NKAIN1: variants seen among roughly 807,000 people sequenced by gnomAD.
The protein encoded by NKAIN1 is sodium/potassium transporting ATPase interacting 1.
Under a neutral mutation model 31.6 loss-of-function variants are expected in NKAIN1, and 13 were observed. That is an observed-to-expected ratio of 0.41 (90% CI 0.27 to 0.65). The LOEUF (loss-of-function observed/expected upper bound fraction) is 0.65, where lower values mean the gene tolerates loss of function less well. Ranked by LOEUF, NKAIN1 falls within the 30% of genes least tolerant of loss-of-function variation. The probability of loss-of-function intolerance (pLI) is 0.30; values close to 1 mark genes in which losing one functional copy is unlikely to be tolerated. For missense variants in NKAIN1, 193 were observed against 262.2 expected (o/e 0.74, Z 1.82); for synonymous variants, 104 against 109.0 (o/e 0.95, Z 0.28).
At chr1:31,194,415 T>C (rs1179222167) in intron 1 of NKAIN1, among the ~76,000 whole-genome samples, 1 of 142,088 alleles carries the variant, frequency 7.0e-6, no homozygotes, top group Admixed American at 7.0e-5. Flanking sequence ...CTTCCTTCCT[T>C]TTTTTTTTTT....
intron 1 of NKAIN1, among the ~76,000 whole-genome samples, chr1:31,232,422 TATAGAG>T (rs1476250757): frequency 6.6e-4 from 17 of 25,796 alleles, no homozygotes; most frequent in African/African-American, 1.9e-3. Flanking sequence ...TATATATATA[TATAGAG>T]AGAGAGAGAG....
At chr1:31,219,505 G>A (rs954752748) in intron 1 of NKAIN1, among the ~76,000 whole-genome samples, 3 of 152,192 alleles carry the variant, frequency 2.0e-5, no homozygotes, top group Non-Finnish European at 2.9e-5. Context: ...GGGTGGGAGC[G>A]TAGGCATAGG....
rs1043986041 is a variant in NKAIN1 at position 31,181,236 on chromosome 1, G to C, written c.*467C>G. 1 of 162,502 alleles carries C rather than the reference G, an allele frequency of 6.2e-6. No homozygotes were observed. The highest frequency in any genetic ancestry group is 1.3e-5 in the Non-Finnish European group (1 of 75,430). 10.1% of individuals were successfully genotyped at this position (162,502 alleles called of 1,614,324 possible). On this transcript the variant is annotated 3_prime_UTR_variant, in exon 7 of 7. Transcript: ENST00000373736. ...TTGCTAGACGTCACAGTCAGTGATG[G>C]ACCTGCGATTAGAACCCAGGAATCC...
chr1:31,187,161 C>T (rs1645250345), intron 2 of NKAIN1, among the ~76,000 whole-genome samples: 1 of 152,162 alleles, frequency 6.6e-6, no homozygotes. Flanking sequence ...GGAGAGAAGT[C>T]CTAGAATGAG....
chr1:31,200,451 C>CCT (rs200260331), intron 1 of NKAIN1, among the ~76,000 whole-genome samples: 4,341 of 138,388 alleles, frequency 0.031, 250 homozygotes, highest in African/African-American at 0.11. Flanking sequence ...CCAGAAGTCT[C>CCT]CTCTCTCTTT....
chr1:31,234,989 T>C (rs1479699184), intron 1 of NKAIN1, among the ~76,000 whole-genome samples: 3 of 152,180 alleles, frequency 2.0e-5, no homozygotes, highest in African/African-American at 7.2e-5. Context: ...CTGTGTGGAA[T>C]TGCAATAAGA....
chr1:31,203,667 C>T lies in NKAIN1; in HGVS notation c.55-15480G>A, dbSNP rs1645402068. Among the ~76,000 whole-genome samples, 3 of 151,318 alleles carry T rather than the reference C, an allele frequency of 2.0e-5. No homozygotes were observed. In the South Asian group the frequency reaches 6.2e-4, roughly 31 times the overall value. ...TGGCACCATCTTGGCTCACTGCAACCTCTGCTTCCCAGGTTCAAGCAATTC... is the reference window on the plus strand; with the variant it reads ...TGGCACCATCTTGGCTCACTGCAACTTCTGCTTCCCAGGTTCAAGCAATTC... On this transcript the variant is annotated intron_variant, in intron 1 of 6. Transcript: ENST00000373736.
Position 31,239,361 on chromosome 1 carries a change from T to C in NKAIN1, c.54+133A>G. On this transcript the variant is annotated intron_variant, in intron 1 of 6. Coordinates refer to ENST00000373736, the MANE Select transcript of NKAIN1 (RefSeq NM_024522.3). The surrounding 1 kb of genome is among the most constrained non-coding windows in gnomAD (Gnocchi z 4.8). ...AGGCTCCGCCCGACCGCTCCGAGAC[T>C]CCAGACCACCCCCCGCCCGGGCACA... The C allele has an allele frequency of 5.2e-6, 3 of 573,664 alleles. No homozygotes were observed. The South Asian group carries it at 1.2e-4, about 22-fold the overall frequency. The allele number at this position is 573,664 out of a possible 1,614,324, so 35.5% of individuals were successfully genotyped here.
At chr1:31,220,174 ATTTTT>A (rs552267355) in intron 1 of NKAIN1, among the ~76,000 whole-genome samples, 2 of 127,288 alleles carry the variant, frequency 1.6e-5, no homozygotes, top group African/African-American at 2.7e-5. Context: ...CGCCCAGCTA[ATTTTT>A]TTTTTTTTTT....
rs77823529 is a variant in NKAIN1 at position 31,189,060 on chromosome 1, A to C, written c.55-873T>G. Among the ~76,000 whole-genome samples the C allele has an allele frequency of 4.0e-3, 613 of 151,682 alleles. 38 individuals are homozygous for C. In the East Asian group the frequency reaches 0.099, roughly 24 times the overall value. On this transcript the variant is annotated intron_variant, in intron 1 of 6. Coordinates refer to ENST00000373736, the MANE Select transcript of NKAIN1 (RefSeq NM_024522.3). The stretch of plus-strand genomic sequence containing the variant: ...AAAACGGCGTTCATTGGAGCTTGCC[A>C]ACTTGCTTCACTTATAACAAGACCA...
intron 1 of NKAIN1, among the ~76,000 whole-genome samples, chr1:31,200,458 CTTTT>C (rs3081712): frequency 7.4e-5 from 9 of 121,878 alleles, no homozygotes; most frequent in Admixed American, 5.5e-4. Context: ...TCTCCTCTCT[CTTTT>C]TTTTTTTTTT....
At chr1:31,225,299 C>G (rs1259550570) in intron 1 of NKAIN1, among the ~76,000 whole-genome samples, 2 of 139,258 alleles carry the variant, frequency 1.4e-5, no homozygotes, top group African/African-American at 5.3e-5. Flanking sequence ...GTGCTGGGAT[C>G]ACAGGCATAA....
chr1:31,182,111 C>A (rs1393708848), intron 5 of NKAIN1, among the ~76,000 whole-genome samples, 170 bp from the exon 6 acceptor site: 1 of 151,828 alleles, frequency 6.6e-6, no homozygotes, highest in African/African-American at 2.4e-5. Flanking sequence ...GGGCCTGGGG[C>A]GGGGCTTCGG....
intron 1 of NKAIN1, among the ~76,000 whole-genome samples, chr1:31,189,362 G>C (rs1451933996): frequency 6.6e-6 from 1 of 152,062 alleles, no homozygotes; most frequent in Non-Finnish European, 1.5e-5. Flanking sequence ...TGTCGCCCAG[G>C]CTGTAGTGCA....
At chr1:31,220,844 C>A (rs1645559570) in intron 1 of NKAIN1, among the ~76,000 whole-genome samples, 1 of 151,236 alleles carries the variant, frequency 6.6e-6, no homozygotes, top group Admixed American at 6.6e-5. Flanking sequence ...TTCACCTGGG[C>A]CTTCCATCTG....
At position 31,239,475 on chromosome 1, in the gene NKAIN1, C is replaced by G; in HGVS notation, c.54+19G>C. Reference sequence around the variant, plus strand: ...CCGCGCCCCACCCTGCCCCGACTGCCTGGGCACGCGACGCTTACCAGCTGC... The same window carrying G: ...CCGCGCCCCACCCTGCCCCGACTGCGTGGGCACGCGACGCTTACCAGCTGC... On this transcript the variant is annotated intron_variant, in intron 1 of 6. Transcript: ENST00000373736. The surrounding 1 kb of genome is among the most constrained non-coding windows in gnomAD (Gnocchi z 4.8). The G allele has an allele frequency of 6.9e-7, 1 of 1,441,948 alleles. No individual in the cohort carries two copies. The highest frequency in any genetic ancestry group is 9.1e-7 in the Non-Finnish European group (1 of 1,102,598). The allele number at this position is 1,441,948 out of a possible 1,614,324, so 89.3% of individuals were successfully genotyped here. A position where few individuals can be genotyped will look rare whatever the true frequency, so the allele number is the denominator to read the frequency against.
chr1:31,236,178 G>A (rs1460196152), intron 1 of NKAIN1, among the ~76,000 whole-genome samples: 1 of 152,074 alleles, frequency 6.6e-6, no homozygotes, highest in Non-Finnish European at 1.5e-5. Context: ...ACAGAACCAG[G>A]TCTAAAAGCC....
intron 1 of NKAIN1, among the ~76,000 whole-genome samples, chr1:31,234,115 C>T (rs868699861): frequency 6.6e-6 from 1 of 152,250 alleles, no homozygotes; most frequent in South Asian, 2.1e-4. Flanking sequence ...GCCTCGAGGG[C>T]AGTTTGGCTT....
rs12144633 is a variant in NKAIN1, at chr1:31,223,114, C to T, written c.54+16380G>A. 7.9e-3 allele frequency among the ~76,000 whole-genome samples: 1,199 copies of T among 152,180 alleles called. 12 individuals carry two copies. The highest frequency in any genetic ancestry group is 0.027 in the African/African-American group (1,135 of 41,566). Reference sequence around the variant, plus strand: ...ATAAACGGCCAGGCGCGGCGGCTCACGCCTGTAATCCCAGCACTTTGGGAG... The same window carrying T: ...ATAAACGGCCAGGCGCGGCGGCTCATGCCTGTAATCCCAGCACTTTGGGAG... On this transcript the variant is annotated intron_variant, in intron 1 of 6. Coordinates refer to ENST00000373736, the MANE Select transcript of NKAIN1 (RefSeq NM_024522.3).
Sources: allele counts gnomAD v4.1 joint callset (sites outside exome capture counted in the v4.1 genomes callset), GRCh38; gene constraint gnomAD v4.1.1; non-coding constraint Gnocchi (gnomAD v3.1); transcripts MANE v1.5; gene names NCBI Gene and HGNC (gene_info 2026-07-23, HGNC 2026-07-21).